Variants in AGMO observed in about 807,000 individuals in gnomAD.
AGMO encodes the protein alkylglycerol monooxygenase.
In AGMO, 75 loss-of-function variants were observed where a neutral mutation model predicts 60.2. That is an observed-to-expected ratio of 1.25 (90% CI 1.03 to 1.51). The LOEUF (loss-of-function observed/expected upper bound fraction) is 1.51. Among genes scored for constraint, AGMO ranks in the 40% most tolerant of loss-of-function variants. The pLI is 0.00. For synonymous variants in AGMO, 261 were observed against 177.1 expected (o/e 1.47, Z -3.76); for missense variants, 763 against 525.5 (o/e 1.45, Z -4.42).
intron 12 of AGMO, among the ~76,000 whole-genome samples, chr7:15,203,581 G>C (rs1176084279): frequency 6.6e-6 from 1 of 151,148 alleles, no homozygotes; most frequent in East Asian, 1.9e-4. Flanking sequence ...AACTGGTTAA[G>C]CCTAGGAGTC....
intron 3 of AGMO, among the ~76,000 whole-genome samples, chr7:15,486,343 G>T (rs1265009316): frequency 1.3e-5 from 2 of 152,060 alleles, no homozygotes; most frequent in Admixed American, 6.5e-5. Context: ...TCAAACCCGT[G>T]ACCCTGGATT....
chr7:15,502,306 C>T (rs141408775), intron 3 of AGMO, among the ~76,000 whole-genome samples: 1 of 151,938 alleles, frequency 6.6e-6, no homozygotes. Context: ...TTCGCTCCCC[C>T]CAAGTCCCCC....
the AGMO span, among the ~76,000 whole-genome samples, chr7:15,179,461 T>TA: frequency 6.6e-6 from 1 of 152,058 alleles, no homozygotes; most frequent in South Asian, 2.1e-4. Flanking sequence ...CTCAAGTAAG[T>TA]AAAAAACCTA....
At chr7:15,314,755 G>T (rs1780866351) in intron 12 of AGMO, among the ~76,000 whole-genome samples, 1 of 152,078 alleles carries the variant, frequency 6.6e-6, no homozygotes. Flanking sequence ...TTTGCAGATA[G>T]AATTAAGCTT....
chr7:15,329,116 C>T (rs558465150), intron 12 of AGMO, among the ~76,000 whole-genome samples: 1 of 152,270 alleles, frequency 6.6e-6, no homozygotes, highest in South Asian at 2.1e-4. Flanking sequence ...ATTGGACTTA[C>T]CACTATGTGC....
intron 10 of AGMO, among the ~76,000 whole-genome samples, chr7:15,373,899 C>A (rs188138878): frequency 2.0e-5 from 3 of 152,192 alleles, no homozygotes; most frequent in Admixed American, 6.5e-5. Flanking sequence ...TCTCAGACAT[C>A]TGTAAAATGA....
chr7:15,280,084 G>C (rs549989932), intron 12 of AGMO, among the ~76,000 whole-genome samples: 1 of 152,280 alleles, frequency 6.6e-6, no homozygotes, highest in African/African-American at 2.4e-5. Context: ...GGGTGAGTGA[G>C]AAGCCTACTG....
intron 2 of AGMO, among the ~76,000 whole-genome samples, chr7:15,553,534 C>T (rs989822432): frequency 6.6e-6 from 1 of 151,758 alleles, no homozygotes; most frequent in African/African-American, 2.4e-5. Flanking sequence ...GACACAAGAA[C>T]ACACTATTAA....
chr7:15,258,522 C>T (rs1260452135), intron 12 of AGMO, among the ~76,000 whole-genome samples: 1 of 151,502 alleles, frequency 6.6e-6, no homozygotes, highest in Non-Finnish European at 1.5e-5. Flanking sequence ...TCCAATCCAG[C>T]CTGGCAACAG....
At chr7:15,195,413 G>C (rs1781092419), downstream of AGMO, among the ~76,000 whole-genome samples, 2 of 152,228 alleles carry the variant, frequency 1.3e-5, no homozygotes, top group Non-Finnish European at 2.9e-5. Flanking sequence ...TGAGGAGGTA[G>C]TGCCTGATTT....
At chr7:15,191,168 A>C in the AGMO span, among the ~76,000 whole-genome samples, 1 of 152,190 alleles carries the variant, frequency 6.6e-6, no homozygotes, top group East Asian at 1.9e-4. Context: ...TATTTTAAAT[A>C]AATAGAAAAA....
rs545136897 is a variant in AGMO at position 15,447,641 on chromosome 7, C to T, written c.410-16533G>A. 3.9e-5 allele frequency among the ~76,000 whole-genome samples: 6 copies of T among 152,242 alleles called. No homozygotes were observed. The South Asian group carries it at 1.2e-3, about 32-fold the overall frequency. ...TCTTGGCTCACTGCAACCTCCACCT[C>T]CCAGGTTCAAGTGATTCTCCTGCCT... is the stretch of plus-strand genomic sequence containing the variant. On this transcript the variant is annotated intron_variant, in intron 3 of 12. Transcript: ENST00000342526.
chr7:15,481,789 ATTTTTTT>A (rs5882513), intron 3 of AGMO, among the ~76,000 whole-genome samples: 3 of 98,706 alleles, frequency 3.0e-5, no homozygotes, highest in African/African-American at 7.4e-5. Context: ...GACTAAATGT[ATTTTTTT>A]TTTTTTTTTT....
the AGMO span, among the ~76,000 whole-genome samples, chr7:15,151,537 T>A: frequency 6.6e-6 from 1 of 152,142 alleles, no homozygotes; most frequent in Non-Finnish European, 1.5e-5. Flanking sequence ...TTAAAGAATT[T>A]TTTTCTGTTT....
chr7:15,118,732 C>A, the AGMO span, among the ~76,000 whole-genome samples: 6 of 151,930 alleles, frequency 3.9e-5, no homozygotes, highest in Non-Finnish European at 7.4e-5. Context: ...ATAAGTAAAC[C>A]TCTTTTAAAA....
the AGMO span, among the ~76,000 whole-genome samples, chr7:15,142,578 T>C: frequency 6.6e-6 from 1 of 152,208 alleles, no homozygotes; most frequent in South Asian, 2.1e-4. Context: ...ATTTTATCTT[T>C]TCTCCTCTAC....
At chr7:15,512,126 T>G (rs935545291) in intron 3 of AGMO, among the ~76,000 whole-genome samples, 9 of 152,242 alleles carry the variant, frequency 5.9e-5, no homozygotes, top group African/African-American at 2.2e-4. Context: ...ATGTTGCAAT[T>G]TGAGACTGAT....
intron 12 of AGMO, among the ~76,000 whole-genome samples, chr7:15,221,231 C>A (rs1210300746): frequency 2.6e-5 from 4 of 152,122 alleles, no homozygotes; most frequent in Non-Finnish European, 4.4e-5. Context: ...GGGTGACTTC[C>A]ATGAATCTAT....
intron 12 of AGMO, among the ~76,000 whole-genome samples, chr7:15,315,794 T>A (rs544687120): frequency 6.6e-5 from 10 of 152,216 alleles, no homozygotes; most frequent in African/African-American, 2.4e-4. Flanking sequence ...AAGAGGACCA[T>A]AGCAAACAAT....
Sources: gnomAD v4.1 joint callset for allele counts (sites outside exome capture counted in the v4.1 genomes callset) on GRCh38, gnomAD v4.1.1 for gene constraint, MANE v1.5 for transcripts, NCBI Gene and HGNC (gene_info 2026-07-23, HGNC 2026-07-21) for gene names.